DNMBP: variants seen among roughly 807,000 people sequenced by gnomAD.
DNMBP encodes the protein dynamin-binding protein.
Under a neutral mutation model 150.0 loss-of-function variants are expected in DNMBP, and 87 were observed. That is an observed-to-expected ratio of 0.58 (90% CI 0.49 to 0.69). The LOEUF (loss-of-function observed/expected upper bound fraction) is 0.69, where lower values mean the gene tolerates loss of function less well. Ranked by LOEUF, DNMBP falls within the 30% of genes least tolerant of loss-of-function variation. DNMBP has a pLI of 0.00. For missense variants in DNMBP, 1,774 were observed against 1,949.0 expected (o/e 0.91, Z 1.69); for synonymous variants, 711 against 750.4 (o/e 0.95, Z 0.86).
chr10:99,915,446 A>T (rs374073256), intron 4 of DNMBP, among the ~76,000 whole-genome samples: 415 of 151,748 alleles, frequency 2.7e-3, no homozygotes, highest in African/African-American at 8.6e-3. Context: ...GTGGCTCATG[A>T]CTATAATTCC....
At chr10:99,993,998 TG>T (rs2040925557) in intron 1 of DNMBP, among the ~76,000 whole-genome samples, 1 of 152,162 alleles carries the variant, frequency 6.6e-6, no homozygotes, top group Non-Finnish European at 1.5e-5. Context: ...AGGATGGGCA[TG>T]GAGGGTAGGT....
At chr10:99,965,370 T>C (rs1023847403) in intron 3 of DNMBP, among the ~76,000 whole-genome samples, 9 of 152,314 alleles carry the variant, frequency 5.9e-5, no homozygotes, top group Admixed American at 4.6e-4. Context: ...CATATAGACA[T>C]CTATAAATTA....
chr10:99,933,386 T>C (rs1158494309), intron 4 of DNMBP, among the ~76,000 whole-genome samples: 2 of 152,254 alleles, frequency 1.3e-5, no homozygotes, highest in Non-Finnish European at 2.9e-5. Flanking sequence ...AAGTTGTGTA[T>C]GTTTTTGAAG....
At position 99,879,977 on chromosome 10, in the gene DNMBP, G is replaced by A; in HGVS notation, c.4382C>T (p.Ala1461Val). The change falls in exon 16 of 17, where the codon GCC becomes GTC. Residue 1461 changes from alanine (A) to valine (V), a missense_variant. Coordinates refer to ENST00000324109, the MANE Select transcript of DNMBP (RefSeq NM_015221.4). ...DVARDVKQPT[A>V]TPRSYRNFRH... ...GAAGTTCCGGTAGCTCCTCGGCGTG[G>A]CAGTGGGTTGCTTTACATCTCTAGC... 3 of 1,614,224 alleles carry A rather than the reference G, an allele frequency of 1.9e-6. No individual in the cohort carries two copies. Among genetic ancestry groups the A allele is most frequent in the Admixed American group, 1.7e-5 (1 of 60,026 alleles).
intron 1 of DNMBP, among the ~76,000 whole-genome samples, chr10:100,004,007 A>G (rs1251307662): frequency 6.6e-6 from 1 of 151,766 alleles, no homozygotes; most frequent in Non-Finnish European, 1.5e-5. Flanking sequence ...CAAGGCAGGA[A>G]GATTGCTGGA....
At chr10:99,967,173 A>T (rs2040627883) in intron 3 of DNMBP, among the ~76,000 whole-genome samples, 1 of 152,060 alleles carries the variant, frequency 6.6e-6, no homozygotes, top group African/African-American at 2.4e-5. Flanking sequence ...CTGAGGTGGT[A>T]GCATCACTTG....
intron 4 of DNMBP, among the ~76,000 whole-genome samples, chr10:99,937,136 C>A (rs1401956384): frequency 6.6e-6 from 1 of 152,096 alleles, no homozygotes; most frequent in African/African-American, 2.4e-5. Context: ...TCCTGAACTC[C>A]TGACCTGATC....
intron 10 of DNMBP, 103 bp downstream of exon 10, chr10:99,896,164 G>T (rs1329102021): frequency 2.2e-6 from 3 of 1,363,830 alleles, no homozygotes; most frequent in Admixed American, 2.2e-5. Context: ...ACCGGAGGAC[G>T]TCTGAGGAAG....
chr10:100,005,174 G>A (rs2041054620), intron 1 of DNMBP, among the ~76,000 whole-genome samples: 1 of 152,104 alleles, frequency 6.6e-6, no homozygotes, highest in Non-Finnish European at 1.5e-5. Flanking sequence ...AGAGACTGGG[G>A]CAGCCACTGT....
intron 4 of DNMBP, among the ~76,000 whole-genome samples, chr10:99,923,159 G>C (rs572133859): frequency 6.6e-6 from 1 of 152,210 alleles, no homozygotes; most frequent in African/African-American, 2.4e-5. Context: ...GGGAGGCCGA[G>C]GTGGGCGGAT....
At chr10:100,009,809 C>G (rs1367019276) in intron 1 of DNMBP, 29 bp downstream of exon 1, 2 of 149,188 alleles carry the variant, frequency 1.3e-5, no homozygotes, top group East Asian at 3.9e-4. Flanking sequence ...CCGGCCCCCG[C>G]CCGGCTCCGG....
rs543896980 is a variant in DNMBP at position 99,915,144 on chromosome 10, T to C, written c.2261-5998A>G. Among the ~76,000 whole-genome samples the C allele has an allele frequency of 2.4e-3, 341 of 141,822 alleles. 7 individuals carry two copies. Among genetic ancestry groups the C allele is most frequent in the South Asian group, 1.7e-3 (8 of 4,612 alleles). The allele number at this position is 141,822 out of a possible 152,430, so 93.0% of individuals were successfully genotyped here. On this transcript the variant is annotated intron_variant, in intron 4 of 16. Transcript: ENST00000324109. The stretch of plus-strand genomic sequence containing the variant: ...ATATATATATACACACACACACATA[T>C]ATATACATATATATACACATATACA...
intron 1 of DNMBP, among the ~76,000 whole-genome samples, chr10:99,999,061 G>C (rs533320511): frequency 6.1e-4 from 93 of 152,340 alleles, no homozygotes; most frequent in Admixed American, 1.5e-3. Context: ...AGAATCCAGA[G>C]AGGGGCTCCC....
chr10:99,921,864 GAAAAAAAAAAAAAA>G (rs34344466), intron 4 of DNMBP, among the ~76,000 whole-genome samples: 2 of 23,746 alleles, frequency 8.4e-5, no homozygotes, highest in East Asian at 1.5e-3. Flanking sequence ...GATTCCATCT[GAAAAAAAAAAAAAA>G]AAAAAAAAAA....
chr10:99,955,927 G>T lies in DNMBP; in HGVS notation c.1547C>A (p.Ser516Tyr). ...CTTCATCTCCAATCTCTCTGAGATG[G>T]AGTAAACACTGGACGTGTGGTGCTT... ...TKKHHTSSVY[S>Y]ISERLEMKPG... The change falls in exon 4 of 17, where the codon TCC becomes TAC. Residue 516 changes from serine to tyrosine, a missense_variant. Physicochemically the swap from Ser to Tyr is moderately radical, Grantham distance 144. This residue lies in a region of DNMBP where 1,430 missense variants were observed against 1,492.5 expected (regional missense o/e 0.96). Coordinates refer to ENST00000324109, the MANE Select transcript of DNMBP (RefSeq NM_015221.4). 2.5e-6 allele frequency: 4 copies of T among 1,614,204 alleles called. No individual in the cohort carries two copies. Among genetic ancestry groups the T allele is most frequent in the Non-Finnish European group, 2.5e-6 (3 of 1,180,038 alleles).
chr10:99,896,691 TA>T (rs1355371848), intron 9 of DNMBP, among the ~76,000 whole-genome samples: 1 of 152,186 alleles, frequency 6.6e-6, no homozygotes, highest in African/African-American at 2.4e-5. Context: ...GGTATGGCAT[TA>T]AATCAGTCAT....
intron 4 of DNMBP, among the ~76,000 whole-genome samples, chr10:99,937,166 C>A (rs754662904): frequency 1.2e-4 from 19 of 152,240 alleles, no homozygotes; most frequent in Non-Finnish European, 2.5e-4. Flanking sequence ...GTGATCCGCC[C>A]ACCTTGGCCT....
At chr10:99,913,333 T>C (rs1384512029) in intron 4 of DNMBP, among the ~76,000 whole-genome samples, 1 of 151,930 alleles carries the variant, frequency 6.6e-6, no homozygotes, top group African/African-American at 2.4e-5. Context: ...CTTTGCAGAG[T>C]AGTTGAGGGA....
At chr10:99,961,730 T>G (rs920827545) in intron 3 of DNMBP, among the ~76,000 whole-genome samples, 5 of 152,094 alleles carry the variant, frequency 3.3e-5, no homozygotes, top group African/African-American at 1.2e-4. Context: ...GGCCAAACTT[T>G]TACCATGAAG....
Sources: allele counts gnomAD v4.1 joint callset (sites outside exome capture counted in the v4.1 genomes callset), GRCh38; gene constraint gnomAD v4.1.1; regional missense constraint gnomAD v4.1.1; transcripts MANE v1.5; gene names NCBI Gene and HGNC (gene_info 2026-07-23, HGNC 2026-07-21).